Variants in NOP58 observed in about 807,000 individuals in gnomAD.
NOP58 encodes the protein NOP58 ribonucleoprotein.
In NOP58, 44 loss-of-function variants were observed where a neutral mutation model predicts 71.2. That is an observed-to-expected ratio of 0.62 (90% CI 0.49 to 0.79). The LOEUF (loss-of-function observed/expected upper bound fraction) is 0.79. Ranked by LOEUF, NOP58 falls within the 30% of genes least tolerant of loss-of-function variation. The probability of loss-of-function intolerance (pLI) is 0.00; values close to 1 mark genes in which losing one functional copy is unlikely to be tolerated. For missense variants in NOP58, 538 were observed against 620.2 expected (o/e 0.87, Z 1.41); for synonymous variants, 228 against 200.3 (o/e 1.14, Z -1.17).
At position 202,290,370 on chromosome 2, in the gene NOP58, T is replaced by G; in HGVS notation, c.547T>G (p.Cys183Gly). The G allele has an allele frequency of 6.2e-7, 1 of 1,608,922 alleles. No homozygotes were observed. The highest frequency in any genetic ancestry group is 8.5e-7 in the Non-Finnish European group (1 of 1,175,670). Residue 183 changes from cysteine (C) to glycine (G), a missense_variant, in exon 7 of 15, where the codon TGT becomes GGT. Transcript: ENST00000264279. ...DKELNNYIMR[C>G]REWYGWHFPE... ...AGAACTAAACAACTACATTATGCGA[T>G]GTAGAGAATGGTATGGCTGGCATTT...
At chr2:202,266,691 C>T (rs140674053) in intron 1 of NOP58, among the ~76,000 whole-genome samples, 3 of 152,226 alleles carry the variant, frequency 2.0e-5, no homozygotes, top group African/African-American at 7.2e-5. Flanking sequence ...GGAGATTAGA[C>T]TCGAGGAGAT....
intron 1 of NOP58, among the ~76,000 whole-genome samples, chr2:202,272,297 C>T (rs1267204291): frequency 2.6e-5 from 4 of 152,014 alleles, no homozygotes; most frequent in East Asian, 1.9e-4. Flanking sequence ...GAACTACAGG[C>T]GCCTTCCACC....
intron 12 of NOP58, among the ~76,000 whole-genome samples, chr2:202,299,247 A>T (rs11886394): frequency 1.9e-3 from 290 of 152,036 alleles, no homozygotes; most frequent in Admixed American, 5.6e-3. Flanking sequence ...CGTGAGCCAC[A>T]GCACCCGGCC....
chr2:202,272,406 A>T (rs1345514122), intron 1 of NOP58, among the ~76,000 whole-genome samples: 2 of 152,148 alleles, frequency 1.3e-5, no homozygotes, highest in Non-Finnish European at 2.9e-5. Context: ...CGCCCGCCTC[A>T]GCCTCCCAGA....
chr2:202,287,866 C>G, intron 6 of NOP58, 142 bp downstream of exon 6: 1 of 615,190 alleles, frequency 1.6e-6, no homozygotes. Flanking sequence ...AATCCCAGCA[C>G]TTGGGAGGCT....
chr2:202,280,046 T>C (rs1164071206), intron 3 of NOP58, among the ~76,000 whole-genome samples: 2 of 152,166 alleles, frequency 1.3e-5, no homozygotes, highest in African/African-American at 4.8e-5. Context: ...TTCCTATCTG[T>C]TTTCACCAGA....
intron 5 of NOP58, among the ~76,000 whole-genome samples, chr2:202,286,728 C>A (rs560913073): frequency 1.3e-5 from 2 of 152,148 alleles, no homozygotes; most frequent in African/African-American, 4.8e-5. Context: ...GCAGTGGTTC[C>A]CTATCAAGGG....
chr2:202,270,279 G>A (rs1029931571), intron 1 of NOP58, among the ~76,000 whole-genome samples: 1 of 152,156 alleles, frequency 6.6e-6, no homozygotes, highest in Admixed American at 6.6e-5. Context: ...AGTCTTTTGT[G>A]TTTGGCTTTT....
chr2:202,296,621 C>A (rs1688996991), intron 10 of NOP58, among the ~76,000 whole-genome samples: 1 of 152,096 alleles, frequency 6.6e-6, no homozygotes, highest in African/African-American at 2.4e-5. Flanking sequence ...CAGATCTAAA[C>A]TGAAAATTGA....
At chr2:202,291,362 T>C in intron 8 of NOP58, 92 bp downstream of exon 8, 1 of 909,930 alleles carries the variant, frequency 1.1e-6, no homozygotes, top group Non-Finnish European at 1.6e-6. Context: ...ACACTTATTG[T>C]TGTTCACCTG....
At position 202,286,771 on chromosome 2, in the gene NOP58, A is replaced by G. The variant is rs540260198; in HGVS notation, c.435-889A>G. 2.0e-5 allele frequency among the ~76,000 whole-genome samples: 3 copies of G among 152,244 alleles called. No homozygotes were observed. The South Asian group carries it at 6.2e-4, about 32-fold the overall frequency. ...ATGTCCCCCCAGTAGGCATTTGTCT[A>G]TGTCCATAGACATTTTTGGTTGTCA... On this transcript the variant is annotated intron_variant, in intron 5 of 14. Transcript: ENST00000264279.
chr2:202,285,349 T>G (rs1356510633), intron 5 of NOP58, among the ~76,000 whole-genome samples: 1 of 145,868 alleles, frequency 6.9e-6, no homozygotes, highest in Non-Finnish European at 1.5e-5. Context: ...GCATTTTTTT[T>G]TTTTTTTTTT....
chr2:202,284,233 A>C, intron 4 of NOP58, 112 bp from the exon 5 acceptor site: 1 of 815,566 alleles, frequency 1.2e-6, no homozygotes, highest in Non-Finnish European at 1.9e-6. Context: ...AGATTGCGCC[A>C]CTGCACTCCA....
chr2:202,275,944 C>T (rs539783101), intron 2 of NOP58, among the ~76,000 whole-genome samples: 45 of 152,280 alleles, frequency 3.0e-4, no homozygotes, highest in African/African-American at 8.9e-4. Context: ...GCTGGGAGTA[C>T]AGGCGTGAGC....
chr2:202,266,777 G>A (rs944870925), intron 1 of NOP58, among the ~76,000 whole-genome samples: 3 of 152,196 alleles, frequency 2.0e-5, no homozygotes, highest in Non-Finnish European at 4.4e-5. Context: ...AACAAATATC[G>A]ATAGAAATTG....
At chr2:202,272,102 A>G in intron 1 of NOP58, among the ~76,000 whole-genome samples, 1 of 151,938 alleles carries the variant, frequency 6.6e-6, no homozygotes, top group East Asian at 1.9e-4. Context: ...GTTGTATAAA[A>G]CTTAGATGAG....
At chr2:202,278,411 G>A in intron 3 of NOP58, 1 of 364,884 alleles carries the variant, frequency 2.7e-6, no homozygotes, top group Non-Finnish European at 5.5e-6. Flanking sequence ...AGGATTCACA[G>A]TTGAAAAATA....
Position 202,277,947 on chromosome 2 carries a change from T to C in NOP58, c.123-3T>C, listed in dbSNP as rs1422035459. On this transcript the variant is annotated splice_polypyrimidine_tract_variant and splice_region_variant and intron_variant, in intron 2 of 14. Coordinates refer to ENST00000264279, the MANE Select transcript of NOP58 (RefSeq NM_015934.5). ...TGTTTATCTCTTTTTTTTTTAATTCTAGAGTAAAGCTAAAACATTTTGAGA... is the reference window on the plus strand; with the variant it reads ...TGTTTATCTCTTTTTTTTTTAATTCCAGAGTAAAGCTAAAACATTTTGAGA... 1.4e-6 allele frequency: 2 copies of C among 1,450,452 alleles called. No individual in the cohort carries two copies. Among genetic ancestry groups the C allele is most frequent in the Non-Finnish European group, 9.6e-7 (1 of 1,045,728 alleles). The allele number at this position is 1,450,452 out of a possible 1,614,324, so 89.8% of individuals were successfully genotyped here.
intron 1 of NOP58, among the ~76,000 whole-genome samples, chr2:202,267,439 C>G (rs1362066700): frequency 6.6e-6 from 1 of 152,022 alleles, no homozygotes; most frequent in African/African-American, 2.4e-5. Flanking sequence ...GGCAGTTTTG[C>G]TTGTTTTTAC....
Sources: gnomAD v4.1 joint callset for allele counts (sites outside exome capture counted in the v4.1 genomes callset) on GRCh38, gnomAD v4.1.1 for gene constraint, MANE v1.5 for transcripts, NCBI Gene and HGNC (gene_info 2026-07-23, HGNC 2026-07-21) for gene names.